The following BCCIP variants were observed in gnomAD, a reference collection of about 807,000 sequenced individuals.
BCCIP encodes BRCA2 and CDKN1A interacting protein.
Under a neutral mutation model 32.8 loss-of-function variants are expected in BCCIP, and 23 were observed. The observed-to-expected ratio is 0.70, with a 90% CI of 0.51 to 0.99. BCCIP has a LOEUF of 0.99. BCCIP is among the 50% of genes least tolerant of loss of function. BCCIP has a pLI of 0.00. For missense variants in BCCIP, 378 were observed against 379.8 expected, an observed-to-expected ratio of 1.00 and a Z score of 0.04; for synonymous variants, 144 against 137.6, an observed-to-expected ratio of 1.05 and a Z score of -0.33.
chr10:125,832,867 C>T (rs1223014161), intron 5 of BCCIP, among the ~76,000 whole-genome samples: 2 of 144,362 alleles, frequency 1.4e-5, no homozygotes, highest in African/African-American at 5.2e-5. Context: ...GTAATTCCAA[C>T]ACTTTGGGAG....
chr10:125,824,436 A>G (rs903387357), intron 1 of BCCIP, among the ~76,000 whole-genome samples: 1 of 152,198 alleles, frequency 6.6e-6, no homozygotes, highest in Non-Finnish European at 1.5e-5. Context: ...CCAAAGCAGA[A>G]TTTGTATAAT....
downstream of BCCIP, chr10:125,838,399 A>G (rs150124444): frequency 6.4e-7 from 1 of 1,551,176 alleles, no homozygotes; most frequent in African/African-American, 1.4e-5. Flanking sequence ...TGAAAGGCAG[A>G]ATTTTAAAGA....
Position 125,836,182 on chromosome 10 carries a change from G to A in BCCIP, c.853G>A (p.Val285Ile), listed in dbSNP as rs201179267. The change falls in exon 7 of 7, where the codon GTA becomes ATA. Residue 285 changes from valine (V) to isoleucine (I), a missense_variant. Val to Ile is a conservative substitution (Grantham distance 29, BLOSUM62 3). Transcript: ENST00000278100. ...GGGAGGCAAATGGTCTTTTGATGACGTACCAATGACGCCCTTGCGAACTGT... is the reference window on the plus strand; with the variant it reads ...GGGAGGCAAATGGTCTTTTGATGACATACCAATGACGCCCTTGCGAACTGT... ...CLGGKWSFDD[V>I]PMTPLRTVML... The A allele has an allele frequency of 9.8e-5, 158 of 1,614,206 alleles. 1 individual carries two copies. In the African/African-American group the frequency reaches 1.4e-3, roughly 14 times the overall value.
intron 6 of BCCIP, among the ~76,000 whole-genome samples, chr10:125,835,052 A>G (rs1283133319): frequency 2.2e-4 from 32 of 146,122 alleles, no homozygotes; most frequent in East Asian, 6.4e-4. Flanking sequence ...AGAATGGCAT[A>G]AACCCGGGAG....
chr10:125,835,586 AAAAAC>A (rs1011144632), intron 6 of BCCIP, among the ~76,000 whole-genome samples: 45 of 120,094 alleles, frequency 3.7e-4, no homozygotes, highest in South Asian at 2.0e-3. Context: ...CTCAAAAAAA[AAAAAC>A]AAACAAACAA....
chr10:125,847,754 C>T (rs1039580576), downstream of BCCIP, among the ~76,000 whole-genome samples: 8 of 152,102 alleles, frequency 5.3e-5, no homozygotes, highest in Non-Finnish European at 1.0e-4. Flanking sequence ...TGTAACTAGA[C>T]GGTCCCATCT....
chr10:125,827,877 A>G (rs1854435164), intron 3 of BCCIP, among the ~76,000 whole-genome samples: 1 of 143,900 alleles, frequency 6.9e-6, no homozygotes, highest in South Asian at 2.4e-4. Flanking sequence ...TGGCTGAGGT[A>G]GGAGGATCTC....
At chr10:125,850,354 C>CTT (rs765077777) in intron 7 of BCCIP, among the ~76,000 whole-genome samples, 73 of 124,544 alleles carry the variant, frequency 5.9e-4, no homozygotes, top group African/African-American at 1.5e-3. Flanking sequence ...TTCTTTCTTT[C>CTT]TTTTTTTTTT....
downstream of BCCIP, among the ~76,000 whole-genome samples, chr10:125,837,546 A>C (rs1854733063): frequency 6.6e-6 from 1 of 152,080 alleles, no homozygotes; most frequent in South Asian, 2.1e-4. Context: ...TCTGTCGCAG[A>C]ATCTCAAGTA....
At chr10:125,827,005 A>AAAAAAAAAAAAAG (rs55973112) in intron 2 of BCCIP, among the ~76,000 whole-genome samples, 6 of 151,566 alleles carry the variant, frequency 4.0e-5, no homozygotes, top group Non-Finnish European at 7.4e-5. Context: ...CTAAAAAAAA[A>AAAAAAAAAAAAAG]GAAAATTCAG....
chr10:125,851,652 C>T (rs1944090379), intron 7 of BCCIP, among the ~76,000 whole-genome samples: 1 of 152,054 alleles, frequency 6.6e-6, no homozygotes, highest in Admixed American at 6.5e-5. Flanking sequence ...AATATGCCAC[C>T]CCAAAATATA....
chr10:125,851,686 G>A (rs889855104), intron 7 of BCCIP, among the ~76,000 whole-genome samples: 3 of 152,150 alleles, frequency 2.0e-5, no homozygotes, highest in African/African-American at 4.8e-5. Flanking sequence ...TTTTGAGCTG[G>A]TTATTCTGAG....
chr10:125,841,119 T>C (rs1446675793), downstream of BCCIP: 4 of 1,358,622 alleles, frequency 2.9e-6, no homozygotes, highest in Non-Finnish European at 4.0e-6. Context: ...TCTGAATAAA[T>C]ATGTTATTCT....
At chr10:125,849,963 T>C (rs1395898523) in intron 7 of BCCIP, among the ~76,000 whole-genome samples, 9 of 152,058 alleles carry the variant, frequency 5.9e-5, no homozygotes, top group African/African-American at 2.2e-4. Context: ...GACACCACTG[T>C]AGAATCTTTT....
rs56380138 is a variant in BCCIP, at chr10:125,851,920, CAAAAAAAAAAAA to C, written c.851-1195_851-1184del. Among the ~76,000 whole-genome samples the C allele has an allele frequency of 1.3e-3, 110 of 86,770 alleles. 4 individuals are homozygous for C. The highest frequency in any genetic ancestry group is 4.3e-4 in the South Asian group (1 of 2,350). 56.9% of individuals were successfully genotyped at this position (86,770 alleles called of 152,430 possible). On this transcript the variant is annotated intron_variant, in intron 7 of 7. Coordinates refer to the BCCIP transcript ENST00000368759. ...TGAGCAACAGAGCAAGACCCTGTCTCAAAAAAAAAAAAAAAAAAAAAGAAAAGAAAAAAGGAC... is the reference window on the plus strand; with the variant it reads ...TGAGCAACAGAGCAAGACCCTGTCTCAAAAAAAAAGAAAAGAAAAAAGGAC...
downstream of BCCIP, chr10:125,842,863 A>G (rs1854919500): frequency 1.3e-6 from 1 of 757,358 alleles, no homozygotes; most frequent in Admixed American, 6.3e-5. Flanking sequence ...ATGATGTGGT[A>G]TTATATATGC....
chr10:125,840,900 A>G, downstream of BCCIP: 1 of 1,609,968 alleles, frequency 6.2e-7, no homozygotes, highest in Non-Finnish European at 8.5e-7. Context: ...AATGCTGATG[A>G]GGGTAAAGTG....
downstream of BCCIP, chr10:125,839,197 G>A (rs1395279026): frequency 1.2e-6 from 2 of 1,610,708 alleles, no homozygotes; most frequent in Admixed American, 1.7e-5. Context: ...GTCTAGGAGG[G>A]AAAGAACACA....
intron 1 of BCCIP, 125 bp from the exon 2 acceptor site, chr10:125,826,466 C>T: frequency 7.0e-7 from 1 of 1,427,126 alleles, no homozygotes; most frequent in Non-Finnish European, 9.3e-7. Flanking sequence ...TTTGTGTCAC[C>T]TGAAGAAATA....
Sources: gnomAD v4.1 joint callset for allele counts (sites outside exome capture counted in the v4.1 genomes callset) on GRCh38, gnomAD v4.1.1 for gene constraint, MANE v1.5 for transcripts, NCBI Gene and HGNC (gene_info 2026-07-23, HGNC 2026-07-21) for gene names.